PRKD2: variants seen among roughly 807,000 people sequenced by gnomAD.
PRKD2 encodes serine/threonine-protein kinase D2.
PRKD2 carries 22 observed loss-of-function variants against 86.0 expected under a neutral mutation model. The ratio of observed to expected loss-of-function variants is 0.26; its 90% CI spans 0.18 to 0.37. The LOEUF (loss-of-function observed/expected upper bound fraction) is 0.37. Ranked by LOEUF, PRKD2 falls within the 10% of genes least tolerant of loss-of-function variation. The pLI, the probability that PRKD2 is intolerant of heterozygous loss-of-function variation, is 1.00. For missense variants in PRKD2, 818 were observed against 1,199.2 expected (o/e 0.68, Z 4.70); for synonymous variants, 509 against 510.9 (o/e 1.00, Z 0.05).
Position 46,690,655 on chromosome 19 carries a change from A to G in PRKD2, c.1754T>C (p.Leu585Pro), listed in dbSNP as rs572801854. ...GCTCTCCTGCTTGGTAGGGAAGCGC[A>G]GTTTGTCAATGACCTTAACTGCCAC... ...RDVAVKVIDK[L>P]RFPTKQESQL... Residue 585 changes from leucine to proline, a missense_variant, in exon 13 of 18, where the codon CTG becomes CCG. By Grantham distance (98) the Leu-to-Pro change is moderately conservative (BLOSUM62 -3). Coordinates refer to ENST00000291281, the MANE Select transcript of PRKD2 (RefSeq NM_016457.5). 67 of 1,614,210 alleles carry G rather than the reference A, an allele frequency of 4.2e-5. No homozygotes were observed. The South Asian group carries it at 7.4e-4, about 18-fold the overall frequency.
In PRKD2 at chr19:46,716,042, T is replaced by G; in HGVS notation, c.240+89A>C. The stretch of plus-strand genomic sequence containing the variant: ...CCAAAGCTCAGGTCTCCTTCCTCCC[T>G]CTTCCGCACACCAGGCCCCAGACCC... On this transcript the variant is annotated intron_variant, in intron 1 of 17. Coordinates refer to ENST00000291281, the MANE Select transcript of PRKD2 (RefSeq NM_016457.5). The surrounding 1 kb of genome is among the most constrained non-coding windows in gnomAD (Gnocchi z 7.9). 6.5e-7 allele frequency: 1 copy of G among 1,527,864 alleles called. No homozygotes were observed. The highest frequency in any genetic ancestry group is 8.8e-7 in the Non-Finnish European group (1 of 1,138,604). The allele number at this position is 1,527,864 out of a possible 1,614,324, so 94.6% of individuals were successfully genotyped here.
In PRKD2 at chr19:46,716,338, G is replaced by A. The variant is rs746654507; in HGVS notation, c.33C>T (p.Leu11=). The part of the protein sequence containing the change: MATAPSYPAG[L]PGSPGPGSPP... ...GAGACCCCGGCCCGGGAGAGCCAGG[G>A]AGCCCGGCGGGATAAGAGGGGGCGG... The change falls in exon 1 of 18, where the codon CTC becomes CTT. Residue 11 remains leucine, a synonymous_variant. Transcript: ENST00000291281. The surrounding 1 kb of genome is among the most constrained non-coding windows in gnomAD (Gnocchi z 7.9). 16 of 1,479,346 alleles carry A rather than the reference G, an allele frequency of 1.1e-5. No homozygotes were observed. The South Asian group carries it at 1.9e-4, about 18-fold the overall frequency. 91.6% of individuals were successfully genotyped at this position (1,479,346 alleles called of 1,614,324 possible).
At chr19:46,714,199 G>C in intron 1 of PRKD2, 198 bp from the exon 2 acceptor site, 1 of 1,331,118 alleles carries the variant, frequency 7.5e-7, no homozygotes, top group East Asian at 2.9e-5. Flanking sequence ...TGTACGGGGA[G>C]GGGGCGCCGG....
chr19:46,710,876 C>A, intron 3 of PRKD2, 31 bp downstream of exon 3: 1 of 1,515,174 alleles, frequency 6.6e-7, no homozygotes, highest in Non-Finnish European at 8.9e-7. Context: ...AGCCCCGCCC[C>A]AGGCCCCGCC....
chr19:46,687,602 T>A (rs1042682544), intron 14 of PRKD2, among the ~76,000 whole-genome samples: 5 of 152,176 alleles, frequency 3.3e-5, no homozygotes, highest in African/African-American at 7.2e-5. Context: ...CAGGTTACTA[T>A]GAAGATTAAA....
intron 9 of PRKD2, among the ~76,000 whole-genome samples, chr19:46,696,446 A>G (rs568703361): frequency 4.3e-4 from 66 of 152,210 alleles, no homozygotes; most frequent in African/African-American, 1.4e-3. Flanking sequence ...ATACGCACAC[A>G]ATGCAATACA....
chr19:46,674,813 A>G, intron 17 of PRKD2, 78 bp from the exon 18 acceptor site: 1 of 1,453,818 alleles, frequency 6.9e-7, no homozygotes, highest in Non-Finnish European at 9.3e-7. Flanking sequence ...TGCCACTGAG[A>G]GCTGGGTACC....
At chr19:46,686,368 C>T (rs933622970) in intron 14 of PRKD2, among the ~76,000 whole-genome samples, 7 of 151,472 alleles carry the variant, frequency 4.6e-5, no homozygotes, top group Non-Finnish European at 8.8e-5. Context: ...GGTGTAATGG[C>T]TCATGCCTGT....
intron 12 of PRKD2, 112 bp from the exon 13 acceptor site, chr19:46,690,818 T>A: frequency 3.2e-6 from 3 of 949,734 alleles, no homozygotes; most frequent in East Asian, 5.2e-5. Flanking sequence ...CAGCCAGAGT[T>A]GGGCAGAGTT....
At chr19:46,692,799 TA>T (rs2053502328) in intron 10 of PRKD2, among the ~76,000 whole-genome samples, 1 of 152,202 alleles carries the variant, frequency 6.6e-6, no homozygotes. Context: ...GGTCTCTGCA[TA>T]TGCTGTTTCC....
chr19:46,704,459 C>A, intron 4 of PRKD2, 36 bp downstream of exon 4: 1 of 1,613,948 alleles, frequency 6.2e-7, no homozygotes. Flanking sequence ...AGTCACCCCC[C>A]TAGCCACCAA....
chr19:46,699,494 C>T (rs1452008978), intron 7 of PRKD2, among the ~76,000 whole-genome samples: 1 of 152,152 alleles, frequency 6.6e-6, no homozygotes, highest in Admixed American at 6.5e-5. Flanking sequence ...CTTACCCCTA[C>T]CCCAGGTTTA....
intron 14 of PRKD2, among the ~76,000 whole-genome samples, chr19:46,684,603 G>A (rs1179639367): frequency 6.6e-6 from 1 of 152,138 alleles, no homozygotes. Flanking sequence ...GATGACAGGC[G>A]TGAGCCACCT....
At chr19:46,680,367 AACC>A (rs1287110972) in intron 15 of PRKD2, among the ~76,000 whole-genome samples, 1 of 149,040 alleles carries the variant, frequency 6.7e-6, no homozygotes, top group Non-Finnish European at 1.5e-5. Context: ...GGCTCACCGC[AACC>A]TCCACCCTCC....
In PRKD2 at chr19:46,678,345, C is replaced by T; in HGVS notation, c.2338+51G>A. ...CCTCTCATGGCTCCGCCCACTTCTC[C>T]AGCCCCACCCCACAACCCACCCGCC... On this transcript the variant is annotated intron_variant, in intron 16 of 17. Coordinates refer to ENST00000291281, the MANE Select transcript of PRKD2 (RefSeq NM_016457.5). The surrounding 1 kb of genome is among the most constrained non-coding windows in gnomAD (Gnocchi z 5.7). The T allele has an allele frequency of 6.3e-7, 1 of 1,593,410 alleles. No homozygotes were observed. The highest frequency in any genetic ancestry group is 8.5e-7 in the Non-Finnish European group (1 of 1,171,698).
Position 46,717,015 on chromosome 19 carries a change from G to A in PRKD2, c.-645C>T, listed in dbSNP as rs1189456538. The A allele has an allele frequency of 4.6e-5, 7 of 153,084 alleles. No individual in the cohort carries two copies. The highest frequency in any genetic ancestry group is 1.7e-4 in the African/African-American group (7 of 41,406). The allele number at this position is 153,084 out of a possible 1,614,324, so 9.5% of individuals were successfully genotyped here. On this transcript the variant is annotated 5_prime_UTR_variant, in exon 1 of 18. Transcript: ENST00000291281. ...GAGGAAGGGGGCGTTGCCGGAGCGGGGTTGGGTGGGGGGCAGGGAGGGTCG... is the reference window on the plus strand; with the variant it reads ...GAGGAAGGGGGCGTTGCCGGAGCGGAGTTGGGTGGGGGGCAGGGAGGGTCG...
At chr19:46,697,360 C>G in intron 8 of PRKD2, 126 bp from the exon 9 acceptor site, 1 of 697,216 alleles carries the variant, frequency 1.4e-6, no homozygotes, top group Non-Finnish European at 2.4e-6. Flanking sequence ...AGCACCTACC[C>G]CACGCCGTAA....
At chr19:46,691,836 G>T (rs759716381) in intron 11 of PRKD2, 29 bp from the exon 12 acceptor site, 38 of 1,613,520 alleles carry the variant, frequency 2.4e-5, no homozygotes, top group Non-Finnish European at 3.1e-5. Flanking sequence ...GCAGGTCAGG[G>T]GTGCAAATGG....
rs994942318 is a variant in PRKD2 at position 46,694,101 on chromosome 19, C to T, written c.1350G>A (p.Glu450=). Residue 450 remains glutamate, a synonymous_variant, in exon 10 of 18, where the codon GAG becomes GAA. Transcript: ENST00000291281. ...EIPLSEILTV[E]SAQNFSLVPP... ...GCACAAGGCTGAAGTTCTGGGCGGACTCCACCGTGAGGATTTCTGACAGCG... is the reference window on the plus strand; with the variant it reads ...GCACAAGGCTGAAGTTCTGGGCGGATTCCACCGTGAGGATTTCTGACAGCG... The T allele has an allele frequency of 6.2e-7, 1 of 1,614,032 alleles. No homozygotes were observed. The highest frequency in any genetic ancestry group is 1.3e-5 in the African/African-American group (1 of 74,942).
Sources: allele counts gnomAD v4.1 joint callset (sites outside exome capture counted in the v4.1 genomes callset), GRCh38; gene constraint gnomAD v4.1.1; non-coding constraint Gnocchi (gnomAD v3.1); transcripts MANE v1.5; gene names NCBI Gene and HGNC (gene_info 2026-07-23, HGNC 2026-07-21).